Variants in TXNL1 observed in about 807,000 individuals in gnomAD.
The protein encoded by TXNL1 is thioredoxin like 1.
In TXNL1, 14 loss-of-function variants were observed where a neutral mutation model predicts 35.5. The ratio of observed to expected loss-of-function variants is 0.39; its 90% CI spans 0.26 to 0.62. The LOEUF (loss-of-function observed/expected upper bound fraction) is 0.62, where lower values mean the gene tolerates loss of function less well. Ranked by LOEUF, TXNL1 falls within the 20% of genes least tolerant of loss-of-function variation. TXNL1 has a pLI of 0.47. For missense variants in TXNL1, 263 were observed against 349.7 expected (o/e 0.75, Z 1.98); for synonymous variants, 110 against 115.5 (o/e 0.95, Z 0.31).
Position 56,618,047 on chromosome 18 carries a change from A to G in TXNL1, c.449T>C (p.Leu150Ser). The G allele has an allele frequency of 6.2e-7, 1 of 1,614,072 alleles. No homozygotes were observed. Among genetic ancestry groups the G allele is most frequent in the Non-Finnish European group, 8.5e-7 (1 of 1,179,972 alleles). The change falls in exon 4 of 8, where the codon TTA becomes TCA. Residue 150 changes from leucine (L) to serine (S), a missense_variant. Transcript: ENST00000217515. Reference protein sequence around the residue: ...ESDEHGFDNCLRKDTTFLESD... With the variant: ...ESDEHGFDNCSRKDTTFLESD... ...TTCCAAGAAGGTTGTGTCTTTTCGT[A>G]AACAGTTGTCAAATCCATGCTCATC...
At chr18:56,636,970 C>G (rs193254579) in intron 1 of TXNL1, among the ~76,000 whole-genome samples, 1 of 152,122 alleles carries the variant, frequency 6.6e-6, no homozygotes, top group Non-Finnish European at 1.5e-5. Context: ...AATGAGAAGA[C>G]ACATTTATAG....
Position 56,602,034 on chromosome 18 carries a change from G to T in TXNL1, c.*993C>A, listed in dbSNP as rs373482078. 2 of 151,694 alleles carry T rather than the reference G, an allele frequency of 1.3e-5. No homozygotes were observed. The highest frequency in any genetic ancestry group is 4.1e-4 in the South Asian group (2 of 4,822). The allele number at this position is 151,694 out of a possible 1,614,324, so 9.4% of individuals were successfully genotyped here. On this transcript the variant is annotated 3_prime_UTR_variant, in exon 8 of 8. Coordinates refer to ENST00000217515, the MANE Select transcript of TXNL1 (RefSeq NM_004786.3). ...TAATTCCCTTTTTTTTTTGGAGACG[G>T]AGTTTTGCTCTTGTCGCTCAGGCTG...
At chr18:56,614,765 C>A (rs1367972346) in intron 5 of TXNL1, among the ~76,000 whole-genome samples, 169 bp from the exon 6 acceptor site, 3 of 152,130 alleles carry the variant, frequency 2.0e-5, no homozygotes, top group African/African-American at 7.2e-5. Context: ...GGTAGCCAAT[C>A]CTTTATTTTC....
At chr18:56,604,688 CCTT>C in intron 7 of TXNL1, among the ~76,000 whole-genome samples, 1 of 152,226 alleles carries the variant, frequency 6.6e-6, no homozygotes, top group East Asian at 1.9e-4. Flanking sequence ...GTCCATAAGT[CCTT>C]CAACTGGTTT....
rs1000258605 is a variant in TXNL1, at chr18:56,600,360, G to T, written c.*2667C>A. On this transcript the variant is annotated 3_prime_UTR_variant, in exon 8 of 8. Coordinates refer to ENST00000217515, the MANE Select transcript of TXNL1 (RefSeq NM_004786.3). Reference sequence around the variant, plus strand: ...CAGGTTTCAACTCTAATTGTTACGTGGCTGCCTCCAACAGAATATTGAGAC... The same window carrying T: ...CAGGTTTCAACTCTAATTGTTACGTTGCTGCCTCCAACAGAATATTGAGAC... 6 of 150,554 alleles carry T rather than the reference G, an allele frequency of 4.0e-5. No homozygotes were observed. Among genetic ancestry groups the T allele is most frequent in the Admixed American group, 2.7e-4 (4 of 15,078 alleles). 9.3% of individuals were successfully genotyped at this position (150,554 alleles called of 1,614,324 possible).
intron 3 of TXNL1, among the ~76,000 whole-genome samples, chr18:56,622,252 A>C (rs1054006020): frequency 1.3e-5 from 2 of 152,132 alleles, no homozygotes; most frequent in Non-Finnish European, 2.9e-5. Flanking sequence ...AAACCATGAC[A>C]GAAAAAAAAG....
intron 4 of TXNL1, 87 bp from the exon 5 acceptor site, chr18:56,616,401 AG>A: frequency 8.0e-7 from 1 of 1,253,264 alleles, no homozygotes; most frequent in Non-Finnish European, 1.1e-6. Flanking sequence ...ATAACAGGCA[AG>A]AAAAAAAAAA....
chr18:56,624,256 T>C (rs199751970), intron 3 of TXNL1, 32 bp downstream of exon 3: 448 of 1,594,704 alleles, frequency 2.8e-4, no homozygotes, highest in Admixed American at 4.5e-4. Flanking sequence ...CAAGATATTA[T>C]ACATTATGAT....
intron 5 of TXNL1, among the ~76,000 whole-genome samples, chr18:56,615,739 T>A (rs1022536021): frequency 1.3e-5 from 2 of 152,214 alleles, no homozygotes. Context: ...AAACAAATTT[T>A]AAAATGAAAA....
intron 7 of TXNL1, among the ~76,000 whole-genome samples, chr18:56,604,256 C>G (rs2023854278): frequency 6.6e-6 from 1 of 152,178 alleles, no homozygotes. Context: ...AGAAGGGGAA[C>G]TGGCATTATC....
chr18:56,630,033 G>A (rs921824558), intron 1 of TXNL1, among the ~76,000 whole-genome samples: 11 of 151,884 alleles, frequency 7.2e-5, no homozygotes, highest in Non-Finnish European at 4.4e-5. Flanking sequence ...ACCCCATCTC[G>A]ACTAAAAGTA....
At position 56,598,588 on chromosome 18, in the gene TXNL1, A is replaced by T. The variant is rs2144264021; in HGVS notation, c.*4439T>A. 1 of 152,686 alleles carries T rather than the reference A, an allele frequency of 6.5e-6. No individual in the cohort carries two copies. Among genetic ancestry groups the T allele is most frequent in the Middle Eastern group, 3.2e-3 (1 of 308 alleles). The allele number at this position is 152,686 out of a possible 1,614,324, so 9.5% of individuals were successfully genotyped here. A position where few individuals can be genotyped will look rare whatever the true frequency, so the allele number is the denominator to read the frequency against. ...GAGATTACATTACAAAGACCCCATA[A>T]AGAAAAGAGAACCAGCGGCCATGTG... On this transcript the variant is annotated 3_prime_UTR_variant, in exon 8 of 8. Coordinates refer to ENST00000217515, the MANE Select transcript of TXNL1 (RefSeq NM_004786.3).
rs1291656944 is a variant in TXNL1 at position 56,599,417 on chromosome 18, G to A, written c.*3610C>T. 6.6e-6 allele frequency: 1 copy of A among 152,038 alleles called. No homozygotes were observed. The allele number at this position is 152,038 out of a possible 1,614,324, so 9.4% of individuals were successfully genotyped here. ...ATATTTTAAAATTTATTTACTATAT[G>A]CATGTTATATATACTTGCTTTATGT... On this transcript the variant is annotated 3_prime_UTR_variant, in exon 8 of 8. Transcript: ENST00000217515.
chr18:56,621,828 C>T (rs1167919590), intron 3 of TXNL1, among the ~76,000 whole-genome samples: 5 of 151,536 alleles, frequency 3.3e-5, no homozygotes, highest in Non-Finnish European at 7.4e-5. Flanking sequence ...GGTGAAACCC[C>T]CTCTCTACTA....
intron 3 of TXNL1, among the ~76,000 whole-genome samples, chr18:56,621,941 A>AGG: frequency 6.8e-6 from 1 of 146,650 alleles, no homozygotes; most frequent in South Asian, 2.2e-4. Context: ...GGCAGGGGCC[A>AGG]GGGGGACGGT....
chr18:56,626,544 C>A (rs2024282604), intron 1 of TXNL1, 87 bp from the exon 2 acceptor site: 3 of 1,132,948 alleles, frequency 2.6e-6, no homozygotes, highest in Admixed American at 2.2e-5. Context: ...AGAACAAACA[C>A]TGATACTGCT....
intron 1 of TXNL1, among the ~76,000 whole-genome samples, chr18:56,636,940 G>A (rs1387618792): frequency 6.6e-6 from 1 of 152,118 alleles, no homozygotes. Flanking sequence ...TAAGAATACA[G>A]ACATCACAAA....
intron 1 of TXNL1, among the ~76,000 whole-genome samples, chr18:56,633,750 C>T (rs924642725): frequency 1.3e-5 from 2 of 151,870 alleles, no homozygotes; most frequent in African/African-American, 4.8e-5. Flanking sequence ...CTTTGAGAGG[C>T]CGAGGCGGGC....
intron 3 of TXNL1, among the ~76,000 whole-genome samples, chr18:56,618,475 A>C (rs1398155801): frequency 6.6e-6 from 1 of 152,244 alleles, no homozygotes; most frequent in Non-Finnish European, 1.5e-5. Context: ...CTAGTGGTCA[A>C]GGACTCTTTA....
Sources: allele counts gnomAD v4.1 joint callset (sites outside exome capture counted in the v4.1 genomes callset), GRCh38; gene constraint gnomAD v4.1.1; transcripts MANE v1.5; gene names NCBI Gene and HGNC (gene_info 2026-07-23, HGNC 2026-07-21).